ADAM12: variants seen among roughly 807,000 people sequenced by gnomAD.
ADAM12 encodes disintegrin and metalloproteinase domain-containing protein 12.
A neutral mutation model predicts 106.4 loss-of-function variants in ADAM12; 70 were observed. The observed-to-expected ratio is 0.66, with a 90% CI of 0.54 to 0.80. ADAM12 has a LOEUF of 0.80. Ranked by LOEUF, ADAM12 falls within the 30% of genes least tolerant of loss-of-function variation. The pLI is 0.00. For missense variants in ADAM12, 1,010 were observed against 1,171.9 expected, an observed-to-expected ratio of 0.86 and a Z score of 2.02; for synonymous variants, 420 against 433.5, an observed-to-expected ratio of 0.97 and a Z score of 0.39.
rs1432491339 is a variant in ADAM12, at chr10:126,325,662, T to C, written c.186+4750A>G. 2.0e-5 allele frequency among the ~76,000 whole-genome samples: 3 copies of C among 152,314 alleles called. No homozygotes were observed. The East Asian group carries it at 5.8e-4, about 29-fold the overall frequency. On this transcript the variant is annotated intron_variant, in intron 2 of 22. Transcript: ENST00000448723. ...GCTGGAAATTGGACATTTCCTGAAG[T>C]ATTCAAAGGCCGAGCTCAAGTGAGG...
Position 126,388,040 on chromosome 10 carries a change from C to G in ADAM12, c.88+18G>C. Reference sequence around the variant, plus strand: ...CTCGGCGGGGCGGGCAGCGAGCCGCCCTAGTTCGGCGACTTACCTCGGGCC... The same window carrying G: ...CTCGGCGGGGCGGGCAGCGAGCCGCGCTAGTTCGGCGACTTACCTCGGGCC... On this transcript the variant is annotated intron_variant, in intron 1 of 22. Transcript: ENST00000448723. The surrounding 1 kb of genome is among the most constrained non-coding windows in gnomAD (Gnocchi z 4.4). The G allele has an allele frequency of 8.3e-7, 1 of 1,209,962 alleles. No individual in the cohort carries two copies. Among genetic ancestry groups the G allele is most frequent in the African/African-American group, 1.6e-5 (1 of 63,590 alleles). The allele number at this position is 1,209,962 out of a possible 1,614,324, so 75.0% of individuals were successfully genotyped here. A position where few individuals can be genotyped will look rare whatever the true frequency, so the allele number is the denominator to read the frequency against.
intron 3 of ADAM12, among the ~76,000 whole-genome samples, chr10:126,227,167 G>T (rs112228094): frequency 0.087 from 13,187 of 151,520 alleles, 1,243 homozygotes; most frequent in African/African-American, 0.22. Context: ...CCATCACCAT[G>T]ATCATAATCA....
intron 2 of ADAM12, among the ~76,000 whole-genome samples, chr10:126,283,900 T>G (rs1320971359): frequency 1.3e-5 from 2 of 152,250 alleles, no homozygotes; most frequent in Non-Finnish European, 2.9e-5. Flanking sequence ...CTGTGTTATC[T>G]TCTAAATGTT....
At chr10:126,155,024 G>A (rs528825644) in intron 4 of ADAM12, among the ~76,000 whole-genome samples, 13 of 152,178 alleles carry the variant, frequency 8.5e-5, no homozygotes, top group African/African-American at 2.9e-4. Context: ...TTCCCTCAGG[G>A]GCTGTCTGTG....
In ADAM12 at chr10:126,103,052, G is replaced by C. The variant is rs867683759; in HGVS notation, c.742-1811C>G. ...AGGAGACACTAGGTTTGCCTCCCAG[G>C]AGTGTTGCATGGAGCCAGTAATGAA... On this transcript the variant is annotated intron_variant, in intron 8 of 22. Transcript: ENST00000448723. 3.7e-4 allele frequency among the ~76,000 whole-genome samples: 56 copies of C among 152,312 alleles called. 1 individual carries two copies. Among genetic ancestry groups the C allele is most frequent in the Middle Eastern group, 6.8e-3 (2 of 294 alleles).
chr10:126,148,957 AC>A (rs746690027), intron 4 of ADAM12, among the ~76,000 whole-genome samples: 2 of 151,998 alleles, frequency 1.3e-5, no homozygotes, highest in Non-Finnish European at 2.9e-5. Context: ...GGCAAGTCTC[AC>A]CCACTACTGA....
chr10:126,279,028 G>GCTTT, intron 2 of ADAM12, 40 bp from the exon 3 acceptor site: 1 of 1,495,632 alleles, frequency 6.7e-7, no homozygotes, highest in Non-Finnish European at 9.3e-7. Context: ...AAAACGCTTG[G>GCTTT]CTTTGATTTG....
In ADAM12 at chr10:126,049,585, C is replaced by G; in HGVS notation, c.1694G>C (p.Ser565Thr). ...CCTCATCTCGCATTTGGCAAAGGAA[C>G]TCTTCGAGACTTTGCCACAGTTGCC... ...PYGNCGKVSKSSFAKCEMRDA... is the reference protein window; with the variant it reads ...PYGNCGKVSKTSFAKCEMRDA... The change falls in exon 15 of 23, where the codon AGT becomes ACT. Residue 565 changes from serine to threonine, a missense_variant. Physicochemically the swap from Ser to Thr is moderately conservative, Grantham distance 58. This residue lies in a region of ADAM12 where 615 missense variants were observed against 708.5 expected (regional missense o/e 0.87). Transcript: ENST00000448723. This position sits in a 1 kb window ranked among gnomAD's most constrained non-coding sequence, Gnocchi z 4.4. 6.2e-7 allele frequency: 1 copy of G among 1,614,216 alleles called. No homozygotes were observed. Among genetic ancestry groups the G allele is most frequent in the Non-Finnish European group, 8.5e-7 (1 of 1,180,038 alleles).
At chr10:126,216,893 A>T (rs889432896) in intron 3 of ADAM12, among the ~76,000 whole-genome samples, 1 of 152,114 alleles carries the variant, frequency 6.6e-6, no homozygotes, top group Non-Finnish European at 1.5e-5. Context: ...CCACATGCAC[A>T]CCCTGAATCT....
chr10:126,159,382 T>G (rs1956894410), intron 3 of ADAM12, among the ~76,000 whole-genome samples: 1 of 151,314 alleles, frequency 6.6e-6, no homozygotes, highest in Non-Finnish European at 1.5e-5. Flanking sequence ...AGGAAGAATT[T>G]AATGTAGATT....
chr10:126,275,556 GCTATAGAC>G (rs1433274575), intron 3 of ADAM12, among the ~76,000 whole-genome samples: 2 of 152,160 alleles, frequency 1.3e-5, no homozygotes, highest in East Asian at 3.8e-4. Context: ...CTCAGCATTA[GCTATAGAC>G]TTAAGAGACT....
intron 3 of ADAM12, among the ~76,000 whole-genome samples, chr10:126,181,399 T>G (rs1957310646): frequency 6.6e-6 from 1 of 152,200 alleles, no homozygotes; most frequent in Non-Finnish European, 1.5e-5. Flanking sequence ...CATAGCTTTA[T>G]GAATGCCTCA....
intron 22 of ADAM12, among the ~76,000 whole-genome samples, chr10:126,019,139 C>T (rs1953712346): frequency 6.6e-6 from 1 of 152,070 alleles, no homozygotes; most frequent in South Asian, 2.1e-4. Flanking sequence ...GTGTGTGGCA[C>T]CTCCCCTTTT....
At position 126,053,784 on chromosome 10, in the gene ADAM12, C is replaced by T. The variant is rs1170988866; in HGVS notation, c.1610-4115G>A. Among the ~76,000 whole-genome samples the T allele has an allele frequency of 1.3e-5, 2 of 151,940 alleles. No homozygotes were observed. The highest frequency in any genetic ancestry group is 2.9e-5 in the Non-Finnish European group (2 of 67,948). ...GCAATGGTGTGATCTCGGCTCACTG[C>T]AACCTCTGCCTCCCGGGTTCAAGCT... On this transcript the variant is annotated intron_variant, in intron 14 of 22. Coordinates refer to ENST00000448723, the MANE Select transcript of ADAM12 (RefSeq NM_001288973.2). This position sits in a 1 kb window ranked among gnomAD's most constrained non-coding sequence, Gnocchi z 4.6.
chr10:126,046,057 C>G lies in ADAM12; in HGVS notation c.1993G>C (p.Gly665Arg). The G allele has an allele frequency of 6.2e-7, 1 of 1,614,042 alleles. No individual in the cohort carries two copies. Among genetic ancestry groups the G allele is most frequent in the Non-Finnish European group, 8.5e-7 (1 of 1,179,858 alleles). ...AAAGGGCAGCTCAGCCTACTCACCCCTCTGCCGTGGCACTGCATTGCACAC... is the reference window on the plus strand; with the variant it reads ...AAAGGGCAGCTCAGCCTACTCACCCGTCTGCCGTGGCACTGCATTGCACAC... The part of the protein sequence containing the change: ...HECAMQCHGR[G>R]VCNNRKNCHC... The change falls in exon 17 of 23, where the codon GGG becomes CGG. Residue 665 changes from glycine (G) to arginine (R), a missense_variant and splice_region_variant. This residue lies in a region of ADAM12 where 615 missense variants were observed against 708.5 expected (regional missense o/e 0.87). Coordinates refer to ENST00000448723, the MANE Select transcript of ADAM12 (RefSeq NM_001288973.2).
In ADAM12 at chr10:126,210,019, C is replaced by T. The variant is rs367571554; in HGVS notation, c.261-54714G>A. 1.3e-3 allele frequency among the ~76,000 whole-genome samples: 202 copies of T among 152,314 alleles called. 4 individuals carry two copies. The South Asian group carries it at 0.038, about 29-fold the overall frequency. ...CACATAACTACATCTCGGGATCCTCCGGGTACTACGTTAACTCTCAGGCTT... is the reference window on the plus strand; with the variant it reads ...CACATAACTACATCTCGGGATCCTCTGGGTACTACGTTAACTCTCAGGCTT... On this transcript the variant is annotated intron_variant, in intron 3 of 22. Coordinates refer to ENST00000448723, the MANE Select transcript of ADAM12 (RefSeq NM_001288973.2).
At chr10:126,248,093 C>T (rs17155554) in intron 3 of ADAM12, among the ~76,000 whole-genome samples, 1 of 152,102 alleles carries the variant, frequency 6.6e-6, no homozygotes, top group South Asian at 2.1e-4. Context: ...TGAAATTACT[C>T]GGGTGACATG....
At chr10:126,266,785 A>C (rs1214546357) in intron 3 of ADAM12, among the ~76,000 whole-genome samples, 1 of 152,172 alleles carries the variant, frequency 6.6e-6, no homozygotes, top group African/African-American at 2.4e-5. Context: ...TGGTCAGAGC[A>C]GGAGGAAGAG....
At chr10:126,144,480 T>TTGAA (rs142558354) in intron 4 of ADAM12, among the ~76,000 whole-genome samples, 29,606 of 152,054 alleles carry the variant, frequency 0.19, 3,316 homozygotes, top group Non-Finnish European at 0.26. Flanking sequence ...TGTATTTTTG[T>TTGAA]TGAACGAATG....
Sources: allele counts gnomAD v4.1 joint callset (sites outside exome capture counted in the v4.1 genomes callset), GRCh38; gene constraint gnomAD v4.1.1; regional missense constraint gnomAD v4.1.1; non-coding constraint Gnocchi (gnomAD v3.1); transcripts MANE v1.5; gene names NCBI Gene and HGNC (gene_info 2026-07-23, HGNC 2026-07-21).